Variants in PDCL3 observed in about 807,000 individuals in gnomAD.
PDCL3 encodes phosducin like 3.
Under a neutral mutation model 26.5 loss-of-function variants are expected in PDCL3, and 22 were observed. That is an observed-to-expected ratio of 0.83 (90% CI 0.59 to 1.19). PDCL3 has a LOEUF of 1.19. Ranked by LOEUF, PDCL3 falls within the 50% of genes most tolerant of loss-of-function variation. The pLI is 0.00. For missense variants in PDCL3, 246 were observed against 294.1 expected (o/e 0.84, Z 1.20); for synonymous variants, 81 against 104.9 (o/e 0.77, Z 1.39).
At chr2:100,573,898 T>C (rs1358796831) in intron 5 of PDCL3, among the ~76,000 whole-genome samples, 1 of 152,166 alleles carries the variant, frequency 6.6e-6, no homozygotes, top group African/African-American at 2.4e-5. Context: ...TCTTGAAGTC[T>C]AGTGAACTTA....
chr2:100,564,500 G>GT (rs1437185327), intron 1 of PDCL3, among the ~76,000 whole-genome samples: 1 of 152,080 alleles, frequency 6.6e-6, no homozygotes, highest in Non-Finnish European at 1.5e-5. Context: ...GTTTCACCAT[G>GT]TTAGCCAGAA....
intron 4 of PDCL3, among the ~76,000 whole-genome samples, chr2:100,570,849 C>G (rs1324860926): frequency 6.6e-6 from 1 of 152,152 alleles, no homozygotes; most frequent in Non-Finnish European, 1.5e-5. Flanking sequence ...TCTCATTCAA[C>G]CTTATAAGAA....
intron 2 of PDCL3, among the ~76,000 whole-genome samples, chr2:100,566,860 A>G (rs1053007862): frequency 9.9e-5 from 15 of 152,218 alleles, no homozygotes; most frequent in African/African-American, 3.1e-4. Flanking sequence ...ACTGAAGAAA[A>G]TACTTCTTTC....
chr2:100,569,348 C>A (rs1675123296), intron 3 of PDCL3, among the ~76,000 whole-genome samples: 1 of 152,246 alleles, frequency 6.6e-6, no homozygotes, highest in South Asian at 2.1e-4. Flanking sequence ...CAGAGCCAAA[C>A]TCTGTCTCAA....
chr2:100,573,746 A>G (rs1284490421), intron 5 of PDCL3, among the ~76,000 whole-genome samples: 2 of 151,998 alleles, frequency 1.3e-5, no homozygotes, highest in Non-Finnish European at 2.9e-5. Flanking sequence ...CACATATAGG[A>G]GATACATCAG....
intron 5 of PDCL3, among the ~76,000 whole-genome samples, chr2:100,575,410 C>G (rs924711699): frequency 2.0e-5 from 3 of 152,240 alleles, no homozygotes; most frequent in Admixed American, 6.5e-5. Context: ...GCTGGGATTA[C>G]AGGCATGTGC....
Position 100,571,575 on chromosome 2 carries a change from A to T in PDCL3, c.369-15A>T. 6.2e-7 allele frequency: 1 copy of T among 1,610,288 alleles called. No individual in the cohort carries two copies. Among genetic ancestry groups the T allele is most frequent in the Non-Finnish European group, 8.5e-7 (1 of 1,178,526 alleles). On this transcript the variant is annotated splice_polypyrimidine_tract_variant and intron_variant, in intron 4 of 5. Coordinates refer to ENST00000264254, the MANE Select transcript of PDCL3 (RefSeq NM_024065.5). Reference sequence around the variant, plus strand: ...AGGATCATAATTGCTTCTGTTTTCTATGTGTGTTTTATAGAATTCCCCTCT... The same window carrying T: ...AGGATCATAATTGCTTCTGTTTTCTTTGTGTGTTTTATAGAATTCCCCTCT...
chr2:100,575,414 CAT>C (rs1553418359), intron 5 of PDCL3, among the ~76,000 whole-genome samples: 26 of 151,966 alleles, frequency 1.7e-4, no homozygotes, highest in Admixed American at 1.4e-3. Context: ...GGATTACAGG[CAT>C]GTGCCACCGC....
intron 5 of PDCL3, 90 bp downstream of exon 5, chr2:100,571,888 A>G (rs1573282522): frequency 1.6e-6 from 2 of 1,216,674 alleles, no homozygotes; most frequent in East Asian, 2.7e-5. Flanking sequence ...TCCTGTTACG[A>G]TGGTGGGTCA....
chr2:100,568,122 G>A (rs557352636), intron 2 of PDCL3, among the ~76,000 whole-genome samples: 2 of 152,298 alleles, frequency 1.3e-5, no homozygotes, highest in East Asian at 1.9e-4. Flanking sequence ...GCCAAGGGAT[G>A]CATTAACTTG....
In PDCL3 at chr2:100,570,835, G is replaced by A. The variant is rs141836317; in HGVS notation, c.369-755G>A. ...ATTTCATACTTTCTAAACCTTCAGC[G>A]TTTTCTCATTCAACCTTATAAGAAA... is the stretch of plus-strand genomic sequence containing the variant. On this transcript the variant is annotated intron_variant, in intron 4 of 5. Coordinates refer to ENST00000264254, the MANE Select transcript of PDCL3 (RefSeq NM_024065.5). Among the ~76,000 whole-genome samples the A allele has an allele frequency of 6.6e-4, 100 of 152,218 alleles. 1 individual carries two copies. In the East Asian group the frequency reaches 0.018, roughly 27 times the overall value.
In PDCL3 at chr2:100,568,918, T is replaced by A; in HGVS notation, c.134-13T>A. 1 of 1,606,906 alleles carries A rather than the reference T, an allele frequency of 6.2e-7. No homozygotes were observed. Among genetic ancestry groups the A allele is most frequent in the East Asian group, 2.2e-5 (1 of 44,852 alleles). The stretch of plus-strand genomic sequence containing the variant: ...TTTAAATTTTTGCTTTTTGCCAATG[T>A]AACCAAATTCAGTGAAAACATATGA... On this transcript the variant is annotated splice_polypyrimidine_tract_variant and intron_variant, in intron 2 of 5. Coordinates refer to ENST00000264254, the MANE Select transcript of PDCL3 (RefSeq NM_024065.5).
chr2:100,574,980 C>T (rs1022466543), intron 5 of PDCL3, among the ~76,000 whole-genome samples: 3 of 152,130 alleles, frequency 2.0e-5, no homozygotes, highest in Non-Finnish European at 4.4e-5. Context: ...CACCTGTAGT[C>T]TCAGCTGCTA....
rs1675126718 is a variant in PDCL3 at position 100,569,564 on chromosome 2, C to T, written c.225-14C>T. On this transcript the variant is annotated splice_polypyrimidine_tract_variant and intron_variant, in intron 3 of 5. Coordinates refer to ENST00000264254, the MANE Select transcript of PDCL3 (RefSeq NM_024065.5). ...GTTTGTGACGTAAGATGTTTCTCTC[C>T]TTGTTTTGTGCAGACGGCGGAGACT... is the stretch of plus-strand genomic sequence containing the variant. The T allele has an allele frequency of 3.7e-6, 6 of 1,607,570 alleles. No homozygotes were observed. The highest frequency in any genetic ancestry group is 4.5e-5 in the East Asian group (2 of 44,724).
intron 5 of PDCL3, among the ~76,000 whole-genome samples, chr2:100,572,216 G>C (rs1267688610): frequency 1.3e-5 from 2 of 152,012 alleles, no homozygotes; most frequent in East Asian, 1.9e-4. Context: ...TATTTACTTA[G>C]TTATTTATTT....
intron 2 of PDCL3, among the ~76,000 whole-genome samples, chr2:100,568,417 G>A (rs540766751): frequency 7.5e-6 from 1 of 133,792 alleles, no homozygotes; most frequent in Non-Finnish European, 1.6e-5. Flanking sequence ...GATCACTTGA[G>A]GTCAGAAGGT....
At chr2:100,571,850 T>C (rs1432053397) in intron 5 of PDCL3, 52 bp downstream of exon 5, 1 of 1,563,016 alleles carries the variant, frequency 6.4e-7, no homozygotes, top group African/African-American at 1.4e-5. Context: ...GGCGCATTTC[T>C]GTTGGAGAGA....
At chr2:100,565,123 G>A (rs1171054833) in intron 1 of PDCL3, among the ~76,000 whole-genome samples, 1 of 152,064 alleles carries the variant, frequency 6.6e-6, no homozygotes. Context: ...TTACGGGCGT[G>A]CACCTGGCTA....
At chr2:100,575,618 G>C (rs1342911288) in intron 5 of PDCL3, among the ~76,000 whole-genome samples, 1 of 152,132 alleles carries the variant, frequency 6.6e-6, no homozygotes, top group Non-Finnish European at 1.5e-5. Context: ...CAAGAATTTT[G>C]CTGATTTTAA....
Sources: gnomAD v4.1 joint callset for allele counts (sites outside exome capture counted in the v4.1 genomes callset) on GRCh38, gnomAD v4.1.1 for gene constraint, MANE v1.5 for transcripts, NCBI Gene and HGNC (gene_info 2026-07-23, HGNC 2026-07-21) for gene names.